Variants in BAIAP2 observed in about 807,000 individuals in gnomAD.
BAIAP2 encodes the protein BAR/IMD domain-containing adapter protein 2.
Under a neutral mutation model 63.0 loss-of-function variants are expected in BAIAP2, and 18 were observed. The observed-to-expected ratio is 0.29, with a 90% CI of 0.20 to 0.42. The LOEUF (loss-of-function observed/expected upper bound fraction) is 0.42. BAIAP2 is among the 10% of genes least tolerant of loss of function. The pLI, the probability that BAIAP2 is intolerant of heterozygous loss-of-function variation, is 1.00. For synonymous variants in BAIAP2, 386 were observed against 307.6 expected (o/e 1.25, Z -2.67); for missense variants, 610 against 734.3 (o/e 0.83, Z 1.96).
At chr17:81,096,977 A>AGAGGAG (rs202204731) in intron 6 of BAIAP2, among the ~76,000 whole-genome samples, 37 of 151,924 alleles carry the variant, frequency 2.4e-4, no homozygotes, top group South Asian at 8.4e-4. Context: ...AGGAGAAAGG[A>AGAGGAG]GAGGAGGAGG....
At chr17:81,110,149 G>A (rs1011815409) in intron 13 of BAIAP2, 4 of 985,504 alleles carry the variant, frequency 4.1e-6, no homozygotes, top group East Asian at 1.1e-4. Context: ...AAGCTGCGGC[G>A]CTCCTTTATC....
At chr17:81,084,997 C>T (rs567784678) in intron 4 of BAIAP2, 104 bp downstream of exon 4, 145 of 1,210,774 alleles carry the variant, frequency 1.2e-4, no homozygotes, top group Admixed American at 2.6e-4. Context: ...CCCAGTTGTC[C>T]AGCCACACTC....
In BAIAP2 at chr17:81,080,642, T is replaced by C. The variant is rs894398757; in HGVS notation, c.218-4190T>C. 2.0e-5 allele frequency among the ~76,000 whole-genome samples: 3 copies of C among 152,384 alleles called. No homozygotes were observed. In the East Asian group the frequency reaches 5.8e-4, roughly 29 times the overall value. ...GGCTGTTGTCTTCCAGATGTTCCTC[T>C]TGACTCCATTGTGTGTAGCCTTTTA... On this transcript the variant is annotated intron_variant, in intron 3 of 13. Transcript: ENST00000428708.
intron 6 of BAIAP2, 75 bp from the exon 7 acceptor site, chr17:81,099,853 G>T: frequency 2.0e-6 from 3 of 1,536,096 alleles, no homozygotes; most frequent in Middle Eastern, 1.8e-4. Context: ...GACTGAGTCC[G>T]TGGGGCTGCC....
chr17:81,078,549 G>A (rs1172076424), intron 3 of BAIAP2, among the ~76,000 whole-genome samples: 1 of 142,026 alleles, frequency 7.0e-6, no homozygotes, highest in East Asian at 2.1e-4. Flanking sequence ...TGGGAGCCGG[G>A]CGCTGTGGGT....
chr17:81,088,024 T>C (rs982752792), intron 6 of BAIAP2, among the ~76,000 whole-genome samples: 27 of 151,540 alleles, frequency 1.8e-4, no homozygotes, highest in African/African-American at 6.3e-4. Context: ...GCATGGGGAG[T>C]TGAGGAGGAG....
chr17:81,104,476 C>G (rs771116683), intron 9 of BAIAP2, 38 bp from the exon 10 acceptor site: 1 of 1,550,086 alleles, frequency 6.5e-7, no homozygotes, highest in Non-Finnish European at 8.7e-7. Flanking sequence ...GCCCCGCCAG[C>G]CAGGGGCAGT....
chr17:81,035,326 C>T lies in BAIAP2; in HGVS notation c.54+18C>T, dbSNP rs2046055001. 1.4e-6 allele frequency: 2 copies of T among 1,399,206 alleles called. No homozygotes were observed. Among genetic ancestry groups the T allele is most frequent in the Admixed American group, 2.4e-5 (1 of 41,586 alleles). 86.7% of individuals were successfully genotyped at this position (1,399,206 alleles called of 1,614,324 possible). The stretch of plus-strand genomic sequence containing the variant: ...TCTATAAGGTGAGCGCCCCCCGGCG[C>T]CGAGCTGAGCCCGCTCCGTGTGCGC... On this transcript the variant is annotated intron_variant, in intron 1 of 13. Coordinates refer to ENST00000428708, the MANE Select transcript of BAIAP2 (RefSeq NM_001144888.2).
intron 13 of BAIAP2, chr17:81,109,894 G>A (rs1057364896): frequency 1.4e-5 from 14 of 985,264 alleles, no homozygotes; most frequent in Non-Finnish European, 1.7e-5. Flanking sequence ...GGGTGTGCGG[G>A]CCGGGCCCGG....
intron 10 of BAIAP2, chr17:81,105,634 C>A: frequency 5.9e-6 from 1 of 168,796 alleles, no homozygotes; most frequent in South Asian, 1.3e-4. Context: ...TGGGAAAAGG[C>A]CCTGACATTT....
At chr17:81,042,916 T>C (rs1346509564) in intron 1 of BAIAP2, among the ~76,000 whole-genome samples, 1 of 152,036 alleles carries the variant, frequency 6.6e-6, no homozygotes, top group Admixed American at 6.6e-5. Flanking sequence ...CAGAGTCTTG[T>C]TCTGTCACCC....
At position 81,046,562 on chromosome 17, in the gene BAIAP2, G is replaced by T. The variant is rs1043294595; in HGVS notation, c.55-7106G>T. On this transcript the variant is annotated intron_variant, in intron 1 of 13. Transcript: ENST00000428708. This position sits in a 1 kb window ranked among gnomAD's most constrained non-coding sequence, Gnocchi z 4.5. Reference sequence around the variant, plus strand: ...TGCTCCTGTGTGTGGGGTCAGCAGTGGCCCGCCCTGGAGGACGCTGCCACC... The same window carrying T: ...TGCTCCTGTGTGTGGGGTCAGCAGTTGCCCGCCCTGGAGGACGCTGCCACC... Among the ~76,000 whole-genome samples, 1 of 151,746 alleles carries T rather than the reference G, an allele frequency of 6.6e-6. No homozygotes were observed. The highest frequency in any genetic ancestry group is 2.4e-5 in the African/African-American group (1 of 41,266).
At chr17:81,108,814 C>G in intron 13 of BAIAP2, 1 of 1,258,820 alleles carries the variant, frequency 7.9e-7, no homozygotes, top group Non-Finnish European at 1.1e-6. Context: ...TCCTCTGCCC[C>G]AATCTGTGCT....
At chr17:81,067,361 C>T (rs779771796) in intron 3 of BAIAP2, among the ~76,000 whole-genome samples, 8 of 152,240 alleles carry the variant, frequency 5.3e-5, no homozygotes, top group African/African-American at 9.6e-5. Context: ...TGGGGACCCT[C>T]CAGCACCTGA....
chr17:81,091,261 G>C (rs1183300739), intron 6 of BAIAP2, among the ~76,000 whole-genome samples: 2 of 148,472 alleles, frequency 1.3e-5, no homozygotes, highest in African/African-American at 5.0e-5. Context: ...GGGGTCTACT[G>C]TCCTGGGGCC....
chr17:81,035,170 G>T lies in BAIAP2; in HGVS notation c.-85G>T, dbSNP rs1260899826. On this transcript the variant is annotated 5_prime_UTR_variant, in exon 1 of 14. Transcript: ENST00000428708. ...GGCTCTGTGGTTCGGGTCCGCTTTC[G>T]TCTCCGTCCTGCTGCCGTTACCGCC... 1.1e-4 allele frequency: 127 copies of T among 1,184,100 alleles called. No homozygotes were observed. The highest frequency in any genetic ancestry group is 1.3e-4 in the Non-Finnish European group (118 of 878,276). The allele number at this position is 1,184,100 out of a possible 1,614,324, so 73.3% of individuals were successfully genotyped here. A position where few individuals can be genotyped will look rare whatever the true frequency, so the allele number is the denominator to read the frequency against.
intron 6 of BAIAP2, among the ~76,000 whole-genome samples, chr17:81,094,065 T>G (rs983275680): frequency 3.3e-5 from 5 of 152,086 alleles, no homozygotes; most frequent in African/African-American, 1.2e-4. Flanking sequence ...GGCTTCTGCA[T>G]CCGCAGCTGA....
chr17:81,088,617 G>T (rs1267532098), intron 6 of BAIAP2, among the ~76,000 whole-genome samples: 1 of 152,218 alleles, frequency 6.6e-6, no homozygotes, highest in African/African-American at 2.4e-5. Flanking sequence ...CCGGCCTTTG[G>T]TGCCTGGTGG....
chr17:81,037,784 C>T (rs190199588), intron 1 of BAIAP2, among the ~76,000 whole-genome samples: 31 of 152,374 alleles, frequency 2.0e-4, no homozygotes, highest in Admixed American at 1.7e-3. Flanking sequence ...GACATTGCAT[C>T]GCCTTAACTG....
Sources: gnomAD v4.1 joint callset for allele counts (sites outside exome capture counted in the v4.1 genomes callset) on GRCh38, gnomAD v4.1.1 for gene constraint, Gnocchi (gnomAD v3.1) non-coding constraint, MANE v1.5 for transcripts, NCBI Gene and HGNC (gene_info 2026-07-23, HGNC 2026-07-21) for gene names.